Variants in PTBP1 observed in about 807,000 individuals in gnomAD.
The protein encoded by PTBP1 is polypyrimidine tract binding protein 1.
Under a neutral mutation model 59.8 loss-of-function variants are expected in PTBP1, and 8 were observed. The observed-to-expected ratio is 0.13, with a 90% CI of 0.08 to 0.24. PTBP1 has a LOEUF of 0.24. PTBP1 is among the 10% of genes least tolerant of loss of function. PTBP1 has a pLI of 1.00. For missense variants in PTBP1, 686 were observed against 767.0 expected, an observed-to-expected ratio of 0.89 and a Z score of 1.25; for synonymous variants, 490 against 320.7, an observed-to-expected ratio of 1.53 and a Z score of -5.64.
rs142167767 is a variant in PTBP1, at chr19:803,752, C to T, written c.115+116C>T. ...TCCAACTGCAGGGGCCCATGGTCCACGCTACAGACCCAGGTCCAAGTTCTC... is the reference window on the plus strand; with the variant it reads ...TCCAACTGCAGGGGCCCATGGTCCATGCTACAGACCCAGGTCCAAGTTCTC... On this transcript the variant is annotated intron_variant, in intron 3 of 14. Coordinates refer to ENST00000356948, the MANE Select transcript of PTBP1 (RefSeq NM_002819.5). The T allele has an allele frequency of 6.6e-4, 630 of 959,872 alleles. 2 individuals carry two copies. Among genetic ancestry groups the T allele is most frequent in the African/African-American group, 5.7e-3 (352 of 61,348 alleles). 59.5% of individuals were successfully genotyped at this position (959,872 alleles called of 1,614,324 possible). A position where few individuals can be genotyped will look rare whatever the true frequency, so the allele number is the denominator to read the frequency against.
chr19:808,813 G>T lies in PTBP1; in HGVS notation c.1463+51G>T. The T allele has an allele frequency of 6.5e-7, 1 of 1,538,974 alleles. No individual in the cohort carries two copies. Among genetic ancestry groups the T allele is most frequent in the Admixed American group, 1.9e-5 (1 of 53,666 alleles). On this transcript the variant is annotated intron_variant, in intron 13 of 14. Coordinates refer to ENST00000356948, the MANE Select transcript of PTBP1 (RefSeq NM_002819.5). This position sits in a 1 kb window ranked among gnomAD's most constrained non-coding sequence, Gnocchi z 4.7. Reference sequence around the variant, plus strand: ...GGGGCCGGGGGCGGGCAAGGGCTCTGCTTGGCTGTCCTACCGCGTCGGTGT... The same window carrying T: ...GGGGCCGGGGGCGGGCAAGGGCTCTTCTTGGCTGTCCTACCGCGTCGGTGT...
chr19:808,682 G>A lies in PTBP1; in HGVS notation c.1383G>A (p.Leu461=), dbSNP rs749808623. The change falls in exon 13 of 15, where the codon CTG becomes CTA. Residue 461 remains leucine, a synonymous_variant. Transcript: ENST00000356948. This position sits in a 1 kb window ranked among gnomAD's most constrained non-coding sequence, Gnocchi z 4.7. The stretch of plus-strand genomic sequence containing the variant: ...CCAAGGACTACGGCAACTCACCCCT[G>A]CACCGCTTCAAGAAGCCGGGCTCCA... ...GLTKDYGNSP[L]HRFKKPGSKN... 1.2e-6 allele frequency: 2 copies of A among 1,612,896 alleles called. No homozygotes were observed. Among genetic ancestry groups the A allele is most frequent in the South Asian group, 1.1e-5 (1 of 91,048 alleles).
chr19:798,925 C>T (rs1177508469), intron 1 of PTBP1, among the ~76,000 whole-genome samples: 3 of 152,244 alleles, frequency 2.0e-5, no homozygotes, highest in African/African-American at 7.2e-5. Context: ...TCCTGCTCTC[C>T]TCGGTGGATC....
Position 805,504 on chromosome 19 carries a change from T to C in PTBP1, c.905T>C (p.Ile302Thr). ...CATTTATTTCTAGGTGCACCTGGTATAATCTCAGCCTCTCCGTATGCAGGA... is the reference window on the plus strand; with the variant it reads ...CATTTATTTCTAGGTGCACCTGGTACAATCTCAGCCTCTCCGTATGCAGGA... The part of the protein sequence containing the change: ...TMAAAFGAPG[I>T]ISASPYAGAG... Residue 302 changes from isoleucine to threonine, a missense_variant, in exon 9 of 15, where the codon ATA becomes ACA. Ile to Thr is a moderately conservative substitution (Grantham distance 89). Coordinates refer to ENST00000356948, the MANE Select transcript of PTBP1 (RefSeq NM_002819.5). 1 of 1,613,520 alleles carries C rather than the reference T, an allele frequency of 6.2e-7. No individual in the cohort carries two copies. The highest frequency in any genetic ancestry group is 2.2e-5 in the East Asian group (1 of 44,868).
intron 13 of PTBP1, 110 bp from the exon 14 acceptor site, chr19:810,433 C>CTA: frequency 1.2e-6 from 1 of 868,234 alleles, no homozygotes; most frequent in Non-Finnish European, 1.8e-6. Flanking sequence ...CTAAAAGGCC[C>CTA]TACGCCTTCC....
rs377010881 is a variant in PTBP1, at chr19:804,457, G to C, written c.435+19G>C. 40 of 1,605,962 alleles carry C rather than the reference G, an allele frequency of 2.5e-5. 1 individual carries two copies. In the Admixed American group the frequency reaches 6.0e-4, roughly 24 times the overall value. On this transcript the variant is annotated intron_variant, in intron 5 of 14. Coordinates refer to ENST00000356948, the MANE Select transcript of PTBP1 (RefSeq NM_002819.5). ...CCAGGCGGTGCGTGGCCCCGCGGCG[G>C]ACCCCAGCAGCCCGGGGACCTCGGG...
At position 806,392 on chromosome 19, in the gene PTBP1, C is replaced by G. The variant is rs373752293; in HGVS notation, c.971-16C>G. 3 of 1,594,698 alleles carry G rather than the reference C, an allele frequency of 1.9e-6. No individual in the cohort carries two copies. Among genetic ancestry groups the G allele is most frequent in the South Asian group, 2.2e-5 (2 of 89,510 alleles). The stretch of plus-strand genomic sequence containing the variant: ...GTCGGGGGCGCCGCCGCTCATCTCA[C>G]CTCCTGCTTTTCCAGGCCTTTCCGT... On this transcript the variant is annotated splice_polypyrimidine_tract_variant and intron_variant, in intron 9 of 14. Transcript: ENST00000356948.
At chr19:806,733 C>A in intron 10 of PTBP1, 177 bp downstream of exon 10, 1 of 536,380 alleles carries the variant, frequency 1.9e-6, no homozygotes, top group Non-Finnish European at 3.1e-6. Context: ...GAGTTTTCCT[C>A]TTTTCCTGAA....
Position 798,342 on chromosome 19 carries a change from C to T in PTBP1, c.8+837C>T, listed in dbSNP as rs76639708. 1.9e-3 allele frequency: 293 copies of T among 152,332 alleles called. 3 individuals carry two copies. The highest frequency in any genetic ancestry group is 6.9e-3 in the African/African-American group (285 of 41,564). The allele number at this position is 152,332 out of a possible 1,614,324, so 9.4% of individuals were successfully genotyped here. On this transcript the variant is annotated intron_variant, in intron 1 of 14. Coordinates refer to ENST00000356948, the MANE Select transcript of PTBP1 (RefSeq NM_002819.5). ...CCCCTCCAGAAAGGCCGTGTCCCGC[C>T]GAGCGCTTCCTGCGCGAGGCCCTCC...
Position 808,163 on chromosome 19 carries a change from G to A in PTBP1, c.1154-197G>A. ...CACCCGCTGGCAGCTTACCTGTCCT[G>A]GATGCTATGACTTTGCTGAACGGAG... On this transcript the variant is annotated intron_variant, in intron 11 of 14. Coordinates refer to ENST00000356948, the MANE Select transcript of PTBP1 (RefSeq NM_002819.5). This position sits in a 1 kb window ranked among gnomAD's most constrained non-coding sequence, Gnocchi z 4.7. 1 of 639,244 alleles carries A rather than the reference G, an allele frequency of 1.6e-6. No individual in the cohort carries two copies. The allele number at this position is 639,244 out of a possible 1,614,324, so 39.6% of individuals were successfully genotyped here.
rs200637220 is a variant in PTBP1, at chr19:804,222, G to A, written c.288+14G>A. The A allele has an allele frequency of 3.5e-4, 562 of 1,606,660 alleles. No homozygotes were observed. Among genetic ancestry groups the A allele is most frequent in the Non-Finnish European group, 4.1e-4 (481 of 1,174,984 alleles). ...GGGAAAAACCAGGTACCTGAGCCGC[G>A]TTTCTCCGGGGTGCTCACACCGTGC... On this transcript the variant is annotated intron_variant, in intron 4 of 14. Transcript: ENST00000356948.
At chr19:805,358 C>A (rs932804533) in intron 8 of PTBP1, 134 bp from the exon 9 acceptor site, 1 of 1,196,410 alleles carries the variant, frequency 8.4e-7, no homozygotes, top group Non-Finnish European at 1.2e-6. Flanking sequence ...CACGGCCCCC[C>A]CTGGAGCAGC....
intron 13 of PTBP1, among the ~76,000 whole-genome samples, chr19:809,478 G>T (rs981558655): frequency 6.6e-6 from 1 of 151,962 alleles, no homozygotes; most frequent in African/African-American, 2.4e-5. Context: ...CCGCCAGCAC[G>T]CCCGGCTAAT....
Position 801,373 on chromosome 19 carries a change from C to T in PTBP1, c.39+1930C>T, listed in dbSNP as rs1040181423. 2.0e-5 allele frequency among the ~76,000 whole-genome samples: 3 copies of T among 152,238 alleles called. No individual in the cohort carries two copies. The South Asian group carries it at 6.2e-4, about 31-fold the overall frequency. ...TGAGCTGAGCCAAGCCGGCCTGTGC[C>T]GCCTGGGCAGGCATGGAGTTTGCTG... On this transcript the variant is annotated intron_variant, in intron 2 of 14. Coordinates refer to ENST00000356948, the MANE Select transcript of PTBP1 (RefSeq NM_002819.5).
chr19:797,898 G>T (rs1308673718), intron 1 of PTBP1, among the ~76,000 whole-genome samples: 1 of 148,736 alleles, frequency 6.7e-6, no homozygotes, highest in Non-Finnish European at 1.5e-5. Context: ...CCCCTCGTGC[G>T]CCTGCGTAGC....
rs752504625 is a variant in PTBP1, at chr19:808,792, C to A, written c.1463+30C>A. 9 of 1,586,022 alleles carry A rather than the reference C, an allele frequency of 5.7e-6. No homozygotes were observed. The South Asian group carries it at 7.9e-5, about 14-fold the overall frequency. ...GTGCTGGGCCGGGGGGCTCATGGGG[C>A]CGGGGGCGGGCAAGGGCTCTGCTTG... On this transcript the variant is annotated intron_variant, in intron 13 of 14. Coordinates refer to ENST00000356948, the MANE Select transcript of PTBP1 (RefSeq NM_002819.5). The surrounding 1 kb of genome is among the most constrained non-coding windows in gnomAD (Gnocchi z 4.7).
chr19:805,742 T>TGGTA (rs1223163529), intron 9 of PTBP1, 173 bp downstream of exon 9: 20 of 639,958 alleles, frequency 3.1e-5, no homozygotes, highest in Admixed American at 3.0e-4. Flanking sequence ...GCCAGGGCAG[T>TGGTA]GGTAGGACAG....
In PTBP1 at chr19:812,070, T is replaced by C. The variant is rs1271338275; in HGVS notation, c.*1244T>C. The C allele has an allele frequency of 6.6e-6, 1 of 152,366 alleles. No homozygotes were observed. The highest frequency in any genetic ancestry group is 1.5e-5 in the Non-Finnish European group (1 of 68,028). 9.4% of individuals were successfully genotyped at this position (152,366 alleles called of 1,614,324 possible). On this transcript the variant is annotated 3_prime_UTR_variant, in exon 15 of 15. Coordinates refer to ENST00000356948, the MANE Select transcript of PTBP1 (RefSeq NM_002819.5). ...GAGACCCGAGGGGCGGCGGCGCGGT[T>C]TTTTATGGTGACACAAATGTATATT... is the stretch of plus-strand genomic sequence containing the variant.
At position 806,272 on chromosome 19, in the gene PTBP1, C is replaced by G. The variant is rs368555425; in HGVS notation, c.971-136C>G. On this transcript the variant is annotated intron_variant, in intron 9 of 14. Coordinates refer to ENST00000356948, the MANE Select transcript of PTBP1 (RefSeq NM_002819.5). Reference sequence around the variant, plus strand: ...GGGGGTCGGACGACCCCACAGGCACCCAGGGTAGGGCCAGAGCCAGGGCCG... The same window carrying G: ...GGGGGTCGGACGACCCCACAGGCACGCAGGGTAGGGCCAGAGCCAGGGCCG... 2.9e-5 allele frequency: 30 copies of G among 1,042,580 alleles called. No individual in the cohort carries two copies. In the East Asian group the frequency reaches 4.6e-4, roughly 16 times the overall value. The allele number at this position is 1,042,580 out of a possible 1,614,324, so 64.6% of individuals were successfully genotyped here.
Sources: allele counts gnomAD v4.1 joint callset (sites outside exome capture counted in the v4.1 genomes callset), GRCh38; gene constraint gnomAD v4.1.1; non-coding constraint Gnocchi (gnomAD v3.1); transcripts MANE v1.5; gene names NCBI Gene and HGNC (gene_info 2026-07-23, HGNC 2026-07-21).